Variants in GRAMD1C observed in about 807,000 individuals in gnomAD.
GRAMD1C encodes the protein protein Aster-C.
In GRAMD1C, 89 loss-of-function variants were observed where a neutral mutation model predicts 97.8. The observed-to-expected ratio is 0.91, with a 90% CI of 0.77 to 1.09. The LOEUF is 1.09. Among genes scored for constraint, GRAMD1C ranks in the 50% least tolerant of loss-of-function variants. The pLI is 0.00. For missense variants in GRAMD1C, 740 were observed against 766.4 expected (o/e 0.97, Z 0.41); for synonymous variants, 256 against 267.0 (o/e 0.96, Z 0.40).
intron 9 of GRAMD1C, among the ~76,000 whole-genome samples, chr3:113,913,441 A>C (rs1458823165): frequency 6.6e-6 from 1 of 151,388 alleles, no homozygotes; most frequent in African/African-American, 2.4e-5. Context: ...AAAAAAAAAA[A>C]AAAAAAAAAA....
rs1935017199 is a variant in GRAMD1C, at chr3:113,876,064, C to T, written c.364-101C>T. 62 of 642,286 alleles carry T rather than the reference C, an allele frequency of 9.7e-5. 1 individual carries two copies. In the South Asian group the frequency reaches 1.2e-3, roughly 13 times the overall value. The allele number at this position is 642,286 out of a possible 1,614,324, so 39.8% of individuals were successfully genotyped here. On this transcript the variant is annotated intron_variant, in intron 4 of 17. Coordinates refer to ENST00000358160, the MANE Select transcript of GRAMD1C (RefSeq NM_017577.5). ...GTCGAAAAACCTGAAGAATATTCAA[C>T]TGTGAAGTTGAATATTCTGGATTAG...
intron 17 of GRAMD1C, among the ~76,000 whole-genome samples, chr3:113,944,478 T>C (rs1055525718): frequency 2.0e-5 from 3 of 152,212 alleles, no homozygotes; most frequent in South Asian, 2.1e-4. Context: ...ACTTGGCATC[T>C]TCACCTGGAT....
Position 113,933,620 on chromosome 3 carries a change from T to A in GRAMD1C, c.1319T>A (p.Ile440Asn). ...DYFYTVNRYC[I>N]IRSSKQKCRL... ...TTCTATACCGTGAACAGATACTGTA[T>A]CATCCGATCTTCAAAACAGAAATGC... Residue 440 changes from isoleucine to asparagine, a missense_variant, in exon 12 of 18, where the codon ATC becomes AAC. Ile to Asn is a moderately radical substitution (Grantham distance 149, BLOSUM62 -3). Transcript: ENST00000358160. 1 of 1,607,788 alleles carries A rather than the reference T, an allele frequency of 6.2e-7. No homozygotes were observed. The highest frequency in any genetic ancestry group is 8.5e-7 in the Non-Finnish European group (1 of 1,174,372).
At chr3:113,859,477 T>C (rs781112879) in intron 2 of GRAMD1C, among the ~76,000 whole-genome samples, 35 of 152,224 alleles carry the variant, frequency 2.3e-4, no homozygotes, top group Non-Finnish European at 4.4e-4. Context: ...CTCTCAAATT[T>C]GTTGAGGTAT....
intron 1 of GRAMD1C, among the ~76,000 whole-genome samples, chr3:113,831,740 GT>G (rs1325547197): frequency 6.7e-6 from 1 of 149,278 alleles, no homozygotes; most frequent in African/African-American, 2.4e-5. Flanking sequence ...TTCAGTTATT[GT>G]ATTTTTCAGC....
intron 13 of GRAMD1C, 138 bp from the exon 14 acceptor site, chr3:113,936,128 G>T: frequency 1.7e-6 from 1 of 585,250 alleles, no homozygotes; most frequent in South Asian, 2.3e-5. Context: ...TTTTCATTAA[G>T]TGTAAAATTT....
chr3:113,869,421 A>G (rs1934705884), intron 2 of GRAMD1C, 86 bp from the exon 3 acceptor site: 5 of 746,358 alleles, frequency 6.7e-6, no homozygotes, highest in African/African-American at 1.8e-5. Context: ...CATAGAAAGC[A>G]TATGATTTTA....
upstream of GRAMD1C, chr3:113,838,290 G>A (rs2108063372): frequency 6.6e-6 from 1 of 152,512 alleles, no homozygotes; most frequent in Non-Finnish European, 1.5e-5. Flanking sequence ...AGAGTTTCCT[G>A]GCCGGGGGCG....
At chr3:113,895,369 C>A (rs1220281914) in intron 6 of GRAMD1C, among the ~76,000 whole-genome samples, 2 of 152,136 alleles carry the variant, frequency 1.3e-5, no homozygotes, top group African/African-American at 4.8e-5. Context: ...TATAAGTTGG[C>A]CTCCCTGAGC....
intron 6 of GRAMD1C, among the ~76,000 whole-genome samples, chr3:113,883,257 G>A (rs1468146929): frequency 6.6e-6 from 1 of 152,176 alleles, no homozygotes; most frequent in Admixed American, 6.5e-5. Context: ...AGGCACAGTG[G>A]CTCATACTTG....
chr3:113,849,393 A>G (rs1390159255), intron 2 of GRAMD1C, among the ~76,000 whole-genome samples: 64 of 151,914 alleles, frequency 4.2e-4, no homozygotes, highest in Non-Finnish European at 5.9e-5. Flanking sequence ...CTCAGCAGAT[A>G]AACAAGTGAA....
chr3:113,937,776 G>A (rs751350216), intron 14 of GRAMD1C, among the ~76,000 whole-genome samples: 1 of 152,270 alleles, frequency 6.6e-6, no homozygotes, highest in South Asian at 2.1e-4. Flanking sequence ...AGGCCAAGGC[G>A]GGTGGATCAC....
intron 8 of GRAMD1C, among the ~76,000 whole-genome samples, chr3:113,906,160 C>T (rs1936365361): frequency 6.6e-6 from 1 of 152,160 alleles, no homozygotes; most frequent in Non-Finnish European, 1.5e-5. Context: ...TATAGAAGTA[C>T]ATAATACTTG....
chr3:113,875,094 T>C (rs1274976692), intron 3 of GRAMD1C, among the ~76,000 whole-genome samples: 1 of 152,104 alleles, frequency 6.6e-6, no homozygotes, highest in East Asian at 1.9e-4. Flanking sequence ...TGTTCCCTTA[T>C]GATCCTTCTG....
At chr3:113,915,926 G>A in intron 10 of GRAMD1C, 88 bp downstream of exon 10, 1 of 1,006,466 alleles carries the variant, frequency 9.9e-7, no homozygotes, top group Non-Finnish European at 1.5e-6. Context: ...GATTTATGTT[G>A]TGAGGAGGAA....
In GRAMD1C at chr3:113,911,475, G is replaced by C. The variant is rs78042587; in HGVS notation, c.952+2355G>C. 7.1e-4 allele frequency among the ~76,000 whole-genome samples: 108 copies of C among 151,580 alleles called. 1 individual carries two copies. In the East Asian group the frequency reaches 0.02, roughly 28 times the overall value. On this transcript the variant is annotated intron_variant, in intron 9 of 17. Transcript: ENST00000358160. ...TGGCCAGGGTGGTCTTGAACTCCTG[G>C]CTTCAACTGATCCTTTAGCCTCGGC...
At chr3:113,910,718 A>G (rs1368525025) in intron 9 of GRAMD1C, among the ~76,000 whole-genome samples, 3 of 152,156 alleles carry the variant, frequency 2.0e-5, no homozygotes, top group Non-Finnish European at 2.9e-5. Context: ...GGATGTGGGT[A>G]TGTGTGAAAG....
intron 10 of GRAMD1C, among the ~76,000 whole-genome samples, chr3:113,922,582 T>C (rs1466487950): frequency 6.6e-6 from 1 of 152,096 alleles, no homozygotes; most frequent in Non-Finnish European, 1.5e-5. Context: ...GACCAGATGG[T>C]TGTAGGTGTG....
chr3:113,877,802 G>A (rs1424787940), intron 5 of GRAMD1C, among the ~76,000 whole-genome samples: 1 of 151,636 alleles, frequency 6.6e-6, no homozygotes, highest in Non-Finnish European at 1.5e-5. Flanking sequence ...TTTAGAGACG[G>A]AGTTTTGTTT....
Sources: gnomAD v4.1 joint callset for allele counts (sites outside exome capture counted in the v4.1 genomes callset) on GRCh38, gnomAD v4.1.1 for gene constraint, MANE v1.5 for transcripts, NCBI Gene and HGNC (gene_info 2026-07-23, HGNC 2026-07-21) for gene names.